Variants in ARHGEF1 observed in about 807,000 individuals in gnomAD.
ARHGEF1 encodes the protein 115 kDa guanine nucleotide exchange factor.
Under a neutral mutation model 119.7 loss-of-function variants are expected in ARHGEF1, and 40 were observed. The observed-to-expected ratio is 0.33, with a 90% CI of 0.26 to 0.44. The LOEUF (loss-of-function observed/expected upper bound fraction) is 0.44, where lower values mean the gene tolerates loss of function less well. Among genes scored for constraint, ARHGEF1 ranks in the 20% least tolerant of loss-of-function variants. The pLI is 1.00. For synonymous variants in ARHGEF1, 494 were observed against 521.0 expected (o/e 0.95, Z 0.71); for missense variants, 976 against 1,268.3 (o/e 0.77, Z 3.50).
Position 41,907,087 on chromosome 19 carries a change from T to C in ARHGEF1, c.*18-18T>C. ...TCTCCATCTCTCCCCGTCTCCCCTCTTCTCCTACATCCCCCAGGCCTTTTG... is the reference window on the plus strand; with the variant it reads ...TCTCCATCTCTCCCCGTCTCCCCTCCTCTCCTACATCCCCCAGGCCTTTTG... On this transcript the variant is annotated intron_variant, in intron 28 of 28. Coordinates refer to ENST00000354532, the MANE Select transcript of ARHGEF1 (RefSeq NM_004706.4). The C allele has an allele frequency of 6.7e-7, 1 of 1,492,438 alleles. No homozygotes were observed. The highest frequency in any genetic ancestry group is 8.9e-7 in the Non-Finnish European group (1 of 1,127,938). The allele number at this position is 1,492,438 out of a possible 1,614,324, so 92.4% of individuals were successfully genotyped here.
Position 41,895,478 on chromosome 19 carries a change from G to A in ARHGEF1, c.1007G>A (p.Arg336Gln), listed in dbSNP as rs371972574. The change falls in exon 12 of 29, where the codon CGG becomes CAG. Residue 336 changes from arginine (R) to glutamine (Q), a missense_variant. Transcript: ENST00000354532. ...LHPLSLDSPD[R>Q]EPGADAPLEL... ...CCTCTGTCCCTGGACAGCCCAGACC[G>A]GGAACCAGGTGAGAGTTTCCTGGGC... The A allele has an allele frequency of 1.1e-5, 17 of 1,596,458 alleles. No homozygotes were observed. The highest frequency in any genetic ancestry group is 9.9e-5 in the South Asian group (9 of 90,590).
In ARHGEF1 at chr19:41,896,432, G is replaced by C. The variant is rs1251720700; in HGVS notation, c.1071G>C (p.Leu357=). The C allele has an allele frequency of 6.1e-6, 9 of 1,479,072 alleles. No homozygotes were observed. The African/African-American group carries it at 1.1e-4, about 19-fold the overall frequency. The allele number at this position is 1,479,072 out of a possible 1,614,324, so 91.6% of individuals were successfully genotyped here. The change falls in exon 13 of 29, where the codon CTG becomes CTC. Residue 357 remains leucine, a synonymous_variant. Coordinates refer to ENST00000354532, the MANE Select transcript of ARHGEF1 (RefSeq NM_004706.4). ...GDSSPQGPMS[L]ESLAPPESTD... ...CATCCCCGCAGGGCCCAATGAGCCT[G>C]GAGTCCTTGGCGCCCCCAGAGAGTA... is the stretch of plus-strand genomic sequence containing the variant.
At chr19:41,914,061 C>A (rs1443099708) in intron 18 of ARHGEF1, among the ~76,000 whole-genome samples, 1 of 59,666 alleles carries the variant, frequency 1.7e-5, no homozygotes, top group African/African-American at 7.9e-5. Context: ...ACACTGTGTT[C>A]CCCCGTGAGC....
chr19:41,892,092 ACTT>A lies in ARHGEF1; in HGVS notation c.296_298del (p.Phe99del). On this transcript the variant is annotated inframe_deletion, in exon 5 of 29. Coordinates refer to ENST00000354532, the MANE Select transcript of ARHGEF1 (RefSeq NM_004706.4). This position sits in a 1 kb window ranked among gnomAD's most constrained non-coding sequence, Gnocchi z 6.3. ...AAGGAGGCCAAGAAGGCCTTCCTGG[ACTT>A]CTACCACAGCTTCCTGGAGAAGACA... is the stretch of plus-strand genomic sequence containing the variant. 6.2e-7 allele frequency: 1 copy of A among 1,613,214 alleles called. No individual in the cohort carries two copies. The highest frequency in any genetic ancestry group is 8.5e-7 in the Non-Finnish European group (1 of 1,179,464).
rs370622423 is a variant in ARHGEF1, at chr19:41,928,796, C to T, written c.141-35C>T. ...GAGGTGGAGAGACCCCCCTCCTCTC[C>T]CCTTCCCTTCTCCTCCGCCCCGCTC... On this transcript the variant is annotated intron_variant, in intron 1 of 2. Coordinates refer to the ARHGEF1 transcript ENST00000594417. The T allele has an allele frequency of 2.2e-4, 92 of 411,670 alleles. 1 individual carries two copies. Among genetic ancestry groups the T allele is most frequent in the African/African-American group, 1.7e-3 (84 of 49,510 alleles). The allele number at this position is 411,670 out of a possible 1,614,324, so 25.5% of individuals were successfully genotyped here.
downstream of ARHGEF1, among the ~76,000 whole-genome samples, chr19:41,911,140 ACT>A (rs2074749221): frequency 6.6e-6 from 1 of 152,118 alleles, no homozygotes; most frequent in South Asian, 2.1e-4. Flanking sequence ...ACATGTCAGC[ACT>A]GACACCCCCG....
downstream of ARHGEF1, chr19:41,908,434 G>A (rs1401842669): frequency 8.1e-7 from 1 of 1,231,104 alleles, no homozygotes; most frequent in Non-Finnish European, 1.0e-6. The surrounding 1 kb of genome is among the most constrained non-coding windows in gnomAD (Gnocchi z 6.7). Flanking sequence ...GGGCGCTCGG[G>A]GCCCAGGCCC....
At position 41,896,360 on chromosome 19, in the gene ARHGEF1, C is replaced by T; in HGVS notation, c.1016-17C>T. The T allele has an allele frequency of 1.4e-6, 2 of 1,396,396 alleles. No individual in the cohort carries two copies. The highest frequency in any genetic ancestry group is 1.9e-6 in the Non-Finnish European group (2 of 1,064,896). 86.5% of individuals were successfully genotyped at this position (1,396,396 alleles called of 1,614,324 possible). The stretch of plus-strand genomic sequence containing the variant: ...CGCAGAGGCCTTCCAGCCAGCCCTG[C>T]TCCCTCCACCCCACAGGTGCTGACG... On this transcript the variant is annotated splice_polypyrimidine_tract_variant and intron_variant, in intron 12 of 28. Transcript: ENST00000354532.
chr19:41,897,710 G>A (rs782530065), intron 13 of ARHGEF1: 7 of 342,388 alleles, frequency 2.0e-5, no homozygotes, highest in Non-Finnish European at 3.7e-5. Flanking sequence ...CCCTTGCCCC[G>A]GTCCTGGTCT....
intron 1 of ARHGEF1, chr19:41,928,074 A>C (rs2074882700): frequency 6.6e-6 from 1 of 151,742 alleles, no homozygotes; most frequent in African/African-American, 2.4e-5. Flanking sequence ...CGGTCCGGGG[A>C]GAAGTGTTTA....
At position 41,904,165 on chromosome 19, in the gene ARHGEF1, G is replaced by A. The variant is rs782309862; in HGVS notation, c.1994-51G>A. ...GGTGTTGGGGCAGTGAGCCAAGGGC[G>A]GGGAGGGGGTCGCGCGGGGGCACGC... is the stretch of plus-strand genomic sequence containing the variant. On this transcript the variant is annotated intron_variant, in intron 21 of 28. Coordinates refer to ENST00000354532, the MANE Select transcript of ARHGEF1 (RefSeq NM_004706.4). The surrounding 1 kb of genome is among the most constrained non-coding windows in gnomAD (Gnocchi z 8.4). The A allele has an allele frequency of 8.1e-6, 13 of 1,612,906 alleles. No homozygotes were observed. The highest frequency in any genetic ancestry group is 1.1e-5 in the South Asian group (1 of 91,080).
rs781831759 is a variant in ARHGEF1, at chr19:41,903,812, G to A, written c.1917+28G>A. 1.3e-5 allele frequency: 21 copies of A among 1,582,378 alleles called. No homozygotes were observed. In the Admixed American group the frequency reaches 1.7e-4, roughly 13 times the overall value. On this transcript the variant is annotated intron_variant, in intron 20 of 28. Transcript: ENST00000354532. This position sits in a 1 kb window ranked among gnomAD's most constrained non-coding sequence, Gnocchi z 4.2. The stretch of plus-strand genomic sequence containing the variant: ...GTGACCATACCCTCCTGCCTCCCCC[G>A]CCCCCCTACTCCTTGGCCCAGGGGA...
rs1030563393 is a variant in ARHGEF1 at position 41,883,809 on chromosome 19, C to A, written c.-20+520C>A. Reference sequence around the variant, plus strand: ...CATTTGAAAGAGTTTTCGGAAAGCTCTTTTCTAGGTCATTAATTATACCGT... The same window carrying A: ...CATTTGAAAGAGTTTTCGGAAAGCTATTTTCTAGGTCATTAATTATACCGT... On this transcript the variant is annotated intron_variant, in intron 1 of 28. Transcript: ENST00000354532. This position sits in a 1 kb window ranked among gnomAD's most constrained non-coding sequence, Gnocchi z 7.6. Among the ~76,000 whole-genome samples, 1 of 152,194 alleles carries A rather than the reference C, an allele frequency of 6.6e-6. No homozygotes were observed. The highest frequency in any genetic ancestry group is 2.4e-5 in the African/African-American group (1 of 41,432).
At chr19:41,908,734 G>C (rs548851153), downstream of ARHGEF1, 1 of 932,584 alleles carries the variant, frequency 1.1e-6, no homozygotes, top group African/African-American at 1.7e-5. This position sits in a 1 kb window ranked among gnomAD's most constrained non-coding sequence, Gnocchi z 6.7. Context: ...GACCAGTAAA[G>C]GGGGCTGCCT....
intron 1 of ARHGEF1, among the ~76,000 whole-genome samples, chr19:41,887,859 C>T (rs2074317291): frequency 3.9e-5 from 6 of 152,224 alleles, no homozygotes; most frequent in Admixed American, 3.9e-4. Context: ...ACGCCTGCCC[C>T]CGCAAGGCTC....
chr19:41,884,324 G>A, intron 1 of ARHGEF1: 1 of 1,250,514 alleles, frequency 8.0e-7, no homozygotes, highest in Non-Finnish European at 1.1e-6. Context: ...CGGGGCCGGA[G>A]CCCGGCAGGA....
At chr19:41,893,633 C>G in intron 8 of ARHGEF1, among the ~76,000 whole-genome samples, 1 of 32,326 alleles carries the variant, frequency 3.1e-5, no homozygotes, top group Non-Finnish European at 4.8e-5. Flanking sequence ...GGGCTGGGGG[C>G]CTGGACTCCT....
At position 41,905,619 on chromosome 19, in the gene ARHGEF1, TCTGTCTCC is replaced by T. The variant is rs2074680858; in HGVS notation, c.2337-131_2337-124del. 2 of 831,328 alleles carry T rather than the reference TCTGTCTCC, an allele frequency of 2.4e-6. No individual in the cohort carries two copies. The highest frequency in any genetic ancestry group is 3.7e-6 in the Non-Finnish European group (2 of 533,798). 51.5% of individuals were successfully genotyped at this position (831,328 alleles called of 1,614,324 possible). On this transcript the variant is annotated intron_variant, in intron 24 of 28. Transcript: ENST00000354532. This position sits in a 1 kb window ranked among gnomAD's most constrained non-coding sequence, Gnocchi z 6.4. ...CTGTGTCTTCCATTGTCTGGGCCTC[TCTGTCTCC>T]CTGTCTCCCGGCCTCGACCTCTGTC...
At position 41,902,284 on chromosome 19, in the gene ARHGEF1, C is replaced by T. The variant is rs782591704; in HGVS notation, c.1425C>T (p.Leu475=). The T allele has an allele frequency of 9.3e-6, 15 of 1,614,090 alleles. No individual in the cohort carries two copies. In the East Asian group the frequency reaches 1.8e-4, roughly 19 times the overall value. ...DELIEVHSLF[L]DRLMKRRQES... ...CTCCTGCCCCCACAGCCCTGTTCCT[C>T]GATCGCCTGATGAAGCGGAGGCAGG... Residue 475 remains leucine (L), a synonymous_variant, in exon 16 of 29, where the codon CTC becomes CTT. Transcript: ENST00000354532. The surrounding 1 kb of genome is among the most constrained non-coding windows in gnomAD (Gnocchi z 6.5).
Sources: allele counts gnomAD v4.1 joint callset (sites outside exome capture counted in the v4.1 genomes callset), GRCh38; gene constraint gnomAD v4.1.1; non-coding constraint Gnocchi (gnomAD v3.1); transcripts MANE v1.5; gene names NCBI Gene and HGNC (gene_info 2026-07-23, HGNC 2026-07-21).